The following SBF2 variants were observed in gnomAD, a reference collection of about 807,000 sequenced individuals.
SBF2 encodes the protein myotubularin-related protein 13.
Under a neutral mutation model 225.2 loss-of-function variants are expected in SBF2, and 112 were observed. The observed-to-expected ratio is 0.50, with a 90% CI of 0.43 to 0.58. The LOEUF (loss-of-function observed/expected upper bound fraction) is 0.58, where lower values mean the gene tolerates loss of function less well. Ranked by LOEUF, SBF2 falls within the 20% of genes least tolerant of loss-of-function variation. SBF2 has a pLI of 0.00. For synonymous variants in SBF2, 763 were observed against 773.3 expected (o/e 0.99, Z 0.22); for missense variants, 1,996 against 2,206.2 (o/e 0.90, Z 1.91).
At chr11:10,216,545 G>C (rs1025224570) in intron 1 of SBF2, among the ~76,000 whole-genome samples, 11 of 152,234 alleles carry the variant, frequency 7.2e-5, no homozygotes, top group Non-Finnish European at 1.3e-4. Context: ...AGAAGAATTA[G>C]TTCAGAGTAA....
At chr11:10,143,336 C>T (rs1177905328) in intron 2 of SBF2, among the ~76,000 whole-genome samples, 2 of 151,988 alleles carry the variant, frequency 1.3e-5, no homozygotes, top group African/African-American at 4.8e-5. Flanking sequence ...CTACGCCTGG[C>T]TAATTTTGTA....
intron 16 of SBF2, among the ~76,000 whole-genome samples, chr11:9,896,652 G>A (rs764533260): frequency 1.3e-5 from 2 of 152,016 alleles, no homozygotes; most frequent in Non-Finnish European, 2.9e-5. Flanking sequence ...AGCCAGGCAT[G>A]GTGGCGGGCG....
intron 6 of SBF2, among the ~76,000 whole-genome samples, chr11:10,016,193 T>C (rs1948646265): frequency 1.3e-5 from 2 of 152,126 alleles, no homozygotes; most frequent in South Asian, 2.1e-4. Context: ...ATCAGATAAA[T>C]TGTGAAGAAG....
At chr11:9,884,701 C>A (rs1860113997) in intron 17 of SBF2, among the ~76,000 whole-genome samples, 1 of 152,094 alleles carries the variant, frequency 6.6e-6, no homozygotes, top group Admixed American at 6.6e-5. Context: ...CAGAAGAGTC[C>A]CTATCTGCTC....
At chr11:9,940,361 C>T (rs975023673) in intron 16 of SBF2, among the ~76,000 whole-genome samples, 4 of 151,924 alleles carry the variant, frequency 2.6e-5, no homozygotes, top group Admixed American at 1.3e-4. Flanking sequence ...GCCAAGATCG[C>T]GCCACTGCAC....
chr11:9,941,709 A>G (rs1865261993), intron 16 of SBF2, among the ~76,000 whole-genome samples: 1 of 152,212 alleles, frequency 6.6e-6, no homozygotes, highest in African/African-American at 2.4e-5. Context: ...GATAAAGCTT[A>G]ATGATTAAAC....
intron 1 of SBF2, among the ~76,000 whole-genome samples, chr11:10,245,517 G>A (rs924227223): frequency 8.5e-5 from 13 of 152,188 alleles, no homozygotes; most frequent in African/African-American, 3.1e-4. Flanking sequence ...CAAGGATGTG[G>A]AGAAAAGTGA....
chr11:9,914,984 C>G (rs1316731671), intron 16 of SBF2, among the ~76,000 whole-genome samples: 1 of 151,448 alleles, frequency 6.6e-6, no homozygotes, highest in Admixed American at 6.6e-5. Flanking sequence ...TTGCTGTGAA[C>G]TAAAAACTGT....
At chr11:9,795,462 C>T (rs963127187) in intron 33 of SBF2, among the ~76,000 whole-genome samples, 1 of 152,176 alleles carries the variant, frequency 6.6e-6, no homozygotes. Context: ...TGGTCTGTTT[C>T]GTCTAGAGCA....
At chr11:10,105,220 C>G (rs1200478866) in intron 2 of SBF2, among the ~76,000 whole-genome samples, 2 of 152,150 alleles carry the variant, frequency 1.3e-5, no homozygotes, top group Non-Finnish European at 2.9e-5. Flanking sequence ...AGGACTGATA[C>G]AGTTGGTGAA....
At chr11:10,017,713 A>G (rs1310580137) in intron 6 of SBF2, among the ~76,000 whole-genome samples, 1 of 152,158 alleles carries the variant, frequency 6.6e-6, no homozygotes, top group African/African-American at 2.4e-5. Flanking sequence ...CACAGACTCA[A>G]CCCCCTGAGT....
intron 17 of SBF2, among the ~76,000 whole-genome samples, chr11:9,859,366 T>C (rs1857548639): frequency 6.6e-6 from 1 of 152,256 alleles, no homozygotes; most frequent in Non-Finnish European, 1.5e-5. Flanking sequence ...TTTTAAATTT[T>C]AATGATAATT....
At chr11:9,824,714 A>G (rs1166742724) in intron 28 of SBF2, among the ~76,000 whole-genome samples, 2 of 152,218 alleles carry the variant, frequency 1.3e-5, no homozygotes, top group Non-Finnish European at 2.9e-5. Flanking sequence ...GACGTGTACA[A>G]TGGCAAAATA....
chr11:9,880,996 C>A (rs1859718856), intron 17 of SBF2, among the ~76,000 whole-genome samples: 1 of 152,092 alleles, frequency 6.6e-6, no homozygotes, highest in Non-Finnish European at 1.5e-5. Flanking sequence ...CCTTTTACTG[C>A]CTACAGAAGA....
intron 2 of SBF2, among the ~76,000 whole-genome samples, chr11:10,188,671 GATTA>G (rs557445357): frequency 8.7e-4 from 132 of 152,248 alleles, no homozygotes; most frequent in African/African-American, 3.0e-3. Context: ...ATAACACCAA[GATTA>G]ATTAATCTCT....
At chr11:9,848,194 G>A (rs1374615459) in intron 22 of SBF2, among the ~76,000 whole-genome samples, 1 of 152,084 alleles carries the variant, frequency 6.6e-6, no homozygotes, top group Non-Finnish European at 1.5e-5. Context: ...CTATCAATCT[G>A]TAATCTAGAA....
chr11:9,945,632 A>C (rs1322086838), intron 16 of SBF2, among the ~76,000 whole-genome samples: 1 of 152,222 alleles, frequency 6.6e-6, no homozygotes, highest in Non-Finnish European at 1.5e-5. Flanking sequence ...CAGCAAAAGA[A>C]ACTATCTAAA....
intron 17 of SBF2, among the ~76,000 whole-genome samples, chr11:9,873,358 A>C (rs1176492289): frequency 6.6e-6 from 1 of 152,212 alleles, no homozygotes; most frequent in Non-Finnish European, 1.5e-5. Context: ...CTGAGAATTC[A>C]AAAGATATGT....
At chr11:9,800,973 G>C (rs12419046) in intron 32 of SBF2, among the ~76,000 whole-genome samples, 23,557 of 152,066 alleles carry the variant, frequency 0.15, 2,205 homozygotes, top group Non-Finnish European at 0.21. Flanking sequence ...TATTCTCAAA[G>C]AACAGCTTTT....
Sources: gnomAD v4.1 joint callset for allele counts (sites outside exome capture counted in the v4.1 genomes callset) on GRCh38, gnomAD v4.1.1 for gene constraint, MANE v1.5 for transcripts, NCBI Gene and HGNC (gene_info 2026-07-23, HGNC 2026-07-21) for gene names.